MED27: variants seen among roughly 807,000 people sequenced by gnomAD.
MED27 encodes mediator of RNA polymerase II transcription subunit 27.
In MED27, 30 loss-of-function variants were observed where a neutral mutation model predicts 38.2. The ratio of observed to expected loss-of-function variants is 0.79; its 90% CI spans 0.59 to 1.07. The LOEUF (loss-of-function observed/expected upper bound fraction) is 1.07, where lower values mean the gene tolerates loss of function less well. MED27 is among the 50% of genes least tolerant of loss of function. The pLI is 0.00. For synonymous variants in MED27, 122 were observed against 153.5 expected, an observed-to-expected ratio of 0.79 and a Z score of 1.52; for missense variants, 289 against 397.5, an observed-to-expected ratio of 0.73 and a Z score of 2.32.
intron 6 of MED27, among the ~76,000 whole-genome samples, chr9:131,873,792 C>G (rs1026454018): frequency 6.6e-6 from 1 of 152,216 alleles, no homozygotes; most frequent in Non-Finnish European, 1.5e-5. Flanking sequence ...AGCTCTGTGT[C>G]TGAGAGGGGC....
intron 2 of MED27, among the ~76,000 whole-genome samples, chr9:132,025,647 C>G (rs1458715984): frequency 6.6e-6 from 1 of 152,178 alleles, no homozygotes; most frequent in Non-Finnish European, 1.5e-5. Flanking sequence ...TTTTCTGAAG[C>G]CTTGGCTCTC....
At chr9:132,055,520 C>T (rs1203508237) in intron 2 of MED27, among the ~76,000 whole-genome samples, 3 of 152,164 alleles carry the variant, frequency 2.0e-5, no homozygotes, top group African/African-American at 7.2e-5. Context: ...CAAGATCAAA[C>T]AGGACAGCAA....
chr9:132,076,222 C>T (rs536964313), intron 2 of MED27, among the ~76,000 whole-genome samples: 13 of 152,216 alleles, frequency 8.5e-5, no homozygotes, highest in African/African-American at 2.9e-4. Context: ...AGAGAAGTAA[C>T]TCCCTGAACA....
At chr9:131,868,148 C>CT (rs1423594566) in intron 6 of MED27, among the ~76,000 whole-genome samples, 3 of 152,228 alleles carry the variant, frequency 2.0e-5, no homozygotes, top group Non-Finnish European at 4.4e-5. Context: ...CTGAAAAGTG[C>CT]TTTTTTTAAA....
At chr9:131,977,197 A>G (rs1831628158) in intron 3 of MED27, among the ~76,000 whole-genome samples, 1 of 152,174 alleles carries the variant, frequency 6.6e-6, no homozygotes, top group Non-Finnish European at 1.5e-5. Flanking sequence ...CTCTGCCTGA[A>G]GCCCCTACGC....
At chr9:131,940,926 T>G (rs1830774943) in intron 3 of MED27, among the ~76,000 whole-genome samples, 1 of 152,224 alleles carries the variant, frequency 6.6e-6, no homozygotes, top group Non-Finnish European at 1.5e-5. Context: ...GGACTTAGCA[T>G]GAGAACTGGC....
At chr9:132,008,998 G>T (rs1832425582) in intron 3 of MED27, among the ~76,000 whole-genome samples, 1 of 152,130 alleles carries the variant, frequency 6.6e-6, no homozygotes. Context: ...AGGGCGGCTG[G>T]GCTTCCCCAA....
chr9:131,886,879 T>C (rs1839150133), intron 5 of MED27, among the ~76,000 whole-genome samples: 1 of 152,186 alleles, frequency 6.6e-6, no homozygotes, highest in Non-Finnish European at 1.5e-5. Context: ...GACTTTTGCA[T>C]CGTTTAGTTG....
At chr9:131,931,151 G>A (rs1257959108) in intron 4 of MED27, among the ~76,000 whole-genome samples, 1 of 151,990 alleles carries the variant, frequency 6.6e-6, no homozygotes, top group East Asian at 1.9e-4. Context: ...AGGCTGAGGA[G>A]GGAGGATCAC....
At chr9:131,975,885 A>G (rs936169835) in intron 3 of MED27, among the ~76,000 whole-genome samples, 9 of 152,186 alleles carry the variant, frequency 5.9e-5, no homozygotes, top group African/African-American at 2.2e-4. Context: ...CCAGCTCTCC[A>G]AGGGAGAGGA....
At chr9:132,073,469 G>T in intron 2 of MED27, 2 of 1,155,470 alleles carry the variant, frequency 1.7e-6, no homozygotes, top group East Asian at 4.2e-5. Flanking sequence ...TGGACATGGT[G>T]CCTCTCCCCT....
At chr9:131,950,163 C>T (rs73658160) in intron 3 of MED27, among the ~76,000 whole-genome samples, 1 of 152,062 alleles carries the variant, frequency 6.6e-6, no homozygotes, top group African/African-American at 2.4e-5. Context: ...AGAAAAAAAA[C>T]CCCTAATAAT....
Position 131,876,033 on chromosome 9 carries a change from G to A in MED27, c.723+8025C>T, listed in dbSNP as rs1838925744. On this transcript the variant is annotated intron_variant, in intron 6 of 7. Transcript: ENST00000292035. ...ACTCTGCTATGTGGTCTCTCTCTGGGATGGTCGCTGTGGGGAATGTGGTGG... is the reference window on the plus strand; with the variant it reads ...ACTCTGCTATGTGGTCTCTCTCTGGAATGGTCGCTGTGGGGAATGTGGTGG... Among the ~76,000 whole-genome samples the A allele has an allele frequency of 1.3e-5, 2 of 152,244 alleles. 1 individual carries two copies. The highest frequency in any genetic ancestry group is 1.3e-4 in the Admixed American group (2 of 15,288).
At chr9:131,953,059 T>C (rs1831030311) in intron 3 of MED27, among the ~76,000 whole-genome samples, 1 of 152,248 alleles carries the variant, frequency 6.6e-6, no homozygotes, top group Admixed American at 6.5e-5. Context: ...GATATAAGTA[T>C]TCTAGATTAG....
At position 131,861,852 on chromosome 9, in the gene MED27, C is replaced by T. The variant is rs1036219326; in HGVS notation, c.802-1180G>A. 1.3e-5 allele frequency among the ~76,000 whole-genome samples: 2 copies of T among 151,572 alleles called. No homozygotes were observed. Among genetic ancestry groups the T allele is most frequent in the Admixed American group, 6.6e-5 (1 of 15,188 alleles). On this transcript the variant is annotated intron_variant, in intron 7 of 7. Transcript: ENST00000292035. This position sits in a 1 kb window ranked among gnomAD's most constrained non-coding sequence, Gnocchi z 4.4. ...CAGTGGTGCAATCGATCATAGCTCA[C>T]TGTAACCTTGAACTCCTGGGCTCAA...
intron 6 of MED27, among the ~76,000 whole-genome samples, chr9:131,875,434 A>C (rs746588844): frequency 6.6e-6 from 1 of 152,094 alleles, no homozygotes; most frequent in Non-Finnish European, 1.5e-5. Context: ...ACTCCAGCCT[A>C]TACCCTGAGC....
intron 3 of MED27, among the ~76,000 whole-genome samples, chr9:131,966,004 C>A (rs751405735): frequency 2.0e-5 from 3 of 150,508 alleles, no homozygotes; most frequent in Non-Finnish European, 3.0e-5. Context: ...GTCTTTAGTG[C>A]TCGCAACCAT....
intron 3 of MED27, among the ~76,000 whole-genome samples, chr9:132,004,189 T>C (rs1029092321): frequency 1.5e-4 from 23 of 152,340 alleles, no homozygotes; most frequent in African/African-American, 4.3e-4. Flanking sequence ...CTGTGGCTTA[T>C]TGAACTGAGT....
intron 4 of MED27, among the ~76,000 whole-genome samples, chr9:131,928,534 G>C (rs1228800516): frequency 1.3e-5 from 2 of 152,238 alleles, no homozygotes; most frequent in Non-Finnish European, 2.9e-5. Flanking sequence ...AAATGGCCTG[G>C]AGAGGATCTG....
Sources: gnomAD v4.1 joint callset for allele counts (sites outside exome capture counted in the v4.1 genomes callset) on GRCh38, gnomAD v4.1.1 for gene constraint, Gnocchi (gnomAD v3.1) non-coding constraint, MANE v1.5 for transcripts, NCBI Gene and HGNC (gene_info 2026-07-23, HGNC 2026-07-21) for gene names.